The following SNTG1 variants were observed in gnomAD, a reference collection of about 807,000 sequenced individuals.
SNTG1 encodes syntrophin gamma 1, also known as gamma-1-syntrophin.
In SNTG1, 39 loss-of-function variants were observed where a neutral mutation model predicts 74.7. The ratio of observed to expected loss-of-function variants is 0.52; its 90% CI spans 0.40 to 0.68. The LOEUF is 0.68. SNTG1 is among the 30% of genes least tolerant of loss of function. SNTG1 has a pLI of 0.00. For missense variants in SNTG1, 685 were observed against 609.5 expected, an observed-to-expected ratio of 1.12 and a Z score of -1.30; for synonymous variants, 254 against 217.1, an observed-to-expected ratio of 1.17 and a Z score of -1.49.
chr8:50,730,091 A>G (rs1459699532), intron 17 of SNTG1, among the ~76,000 whole-genome samples: 1 of 152,192 alleles, frequency 6.6e-6, no homozygotes, highest in Non-Finnish European at 1.5e-5. Flanking sequence ...AGGAGACTGG[A>G]AGAAAAAAAT....
chr8:50,148,241 C>T (rs2081939587), intron 1 of SNTG1, among the ~76,000 whole-genome samples: 1 of 151,908 alleles, frequency 6.6e-6, no homozygotes, highest in Non-Finnish European at 1.5e-5. Flanking sequence ...ATATATGGCA[C>T]AGGGGGATCT....
chr8:50,712,722 T>C (rs923286900), intron 17 of SNTG1, among the ~76,000 whole-genome samples: 5 of 152,120 alleles, frequency 3.3e-5, no homozygotes, highest in African/African-American at 1.2e-4. Context: ...TTCTCATTGT[T>C]CAACTCCCAC....
intron 18 of SNTG1, among the ~76,000 whole-genome samples, chr8:50,771,875 C>A (rs1245587379): frequency 2.6e-5 from 4 of 152,040 alleles, no homozygotes; most frequent in African/African-American, 9.7e-5. Context: ...TTGAAAGGCA[C>A]AAGCAGTAAG....
rs542645184 is a variant in SNTG1, at chr8:50,644,595, C to T, written c.850-12314C>T. On this transcript the variant is annotated intron_variant, in intron 13 of 18. Coordinates refer to ENST00000642720, the MANE Select transcript of SNTG1 (RefSeq NM_018967.5). ...TTATATTTTCAGTTAGGCTTCCAGT[C>T]GACAGTAGGCTATTAATAGTAAAAT... 5 of 152,150 alleles carry T rather than the reference C, an allele frequency of 3.3e-5. No homozygotes were observed. In the East Asian group the frequency reaches 5.8e-4, roughly 18 times the overall value. 9.4% of individuals were successfully genotyped at this position (152,150 alleles called of 1,614,324 possible).
intron 1 of SNTG1, among the ~76,000 whole-genome samples, chr8:49,931,931 C>T (rs900781842): frequency 1.3e-5 from 2 of 152,052 alleles, no homozygotes; most frequent in Non-Finnish European, 2.9e-5. Context: ...GAGATTCTGG[C>T]GATATTCACT....
At chr8:50,471,951 A>G (rs1001171868) in intron 8 of SNTG1, among the ~76,000 whole-genome samples, 8 of 152,172 alleles carry the variant, frequency 5.3e-5, no homozygotes, top group Non-Finnish European at 4.4e-5. Context: ...AATTTTATTT[A>G]AAATAGCATA....
At chr8:50,210,415 A>G (rs1452426960) in intron 2 of SNTG1, among the ~76,000 whole-genome samples, 2 of 152,190 alleles carry the variant, frequency 1.3e-5, no homozygotes, top group Non-Finnish European at 2.9e-5. Context: ...CAACTCCAAG[A>G]CACATAATTG....
chr8:50,182,371 T>C (rs1009876517), intron 2 of SNTG1, among the ~76,000 whole-genome samples: 20 of 152,296 alleles, frequency 1.3e-4, no homozygotes, highest in African/African-American at 4.8e-4. Context: ...TTTTGTCAAC[T>C]AATCCAAATA....
At chr8:50,095,575 G>GT (rs200010306) in intron 1 of SNTG1, among the ~76,000 whole-genome samples, 11 of 150,854 alleles carry the variant, frequency 7.3e-5, no homozygotes, top group South Asian at 2.1e-4. Flanking sequence ...ATATGATCCT[G>GT]TTTTTTTTTC....
At chr8:50,440,404 A>G (rs560896800) in intron 5 of SNTG1, among the ~76,000 whole-genome samples, 11 of 152,222 alleles carry the variant, frequency 7.2e-5, no homozygotes, top group Admixed American at 1.3e-4. Flanking sequence ...AGATCAAAAT[A>G]TGATTCTTTC....
At chr8:49,948,390 T>C (rs575442705) in intron 1 of SNTG1, among the ~76,000 whole-genome samples, 1 of 152,340 alleles carries the variant, frequency 6.6e-6, no homozygotes, top group Non-Finnish European at 1.5e-5. Context: ...TTCGATTTTC[T>C]CTACCAGACA....
In SNTG1 at chr8:50,795,429, C is replaced by T. The variant is rs1430339243; in HGVS notation, c.*2600C>T. The T allele has an allele frequency of 6.6e-6, 1 of 152,066 alleles. No homozygotes were observed. The allele number at this position is 152,066 out of a possible 1,614,324, so 9.4% of individuals were successfully genotyped here. On this transcript the variant is annotated 3_prime_UTR_variant, in exon 19 of 19. Coordinates refer to ENST00000642720, the MANE Select transcript of SNTG1 (RefSeq NM_018967.5). The stretch of plus-strand genomic sequence containing the variant: ...AAAACACTTAAAAATTTCTATCTCT[C>T]ATATAATTTAGGTTTACATGTAAGA...
Position 50,402,082 on chromosome 8 carries a change from T to A in SNTG1, c.28-128T>A, listed in dbSNP as rs2092813018. Reference sequence around the variant, plus strand: ...CCACGTTAAGTATTCAATTTCAGGCTCATCAGAGTGTGTTTTCACCACCTC... The same window carrying A: ...CCACGTTAAGTATTCAATTTCAGGCACATCAGAGTGTGTTTTCACCACCTC... On this transcript the variant is annotated intron_variant, in intron 3 of 18. Transcript: ENST00000642720. 3.4e-6 allele frequency: 3 copies of A among 869,790 alleles called. No homozygotes were observed. The East Asian group carries it at 8.2e-5, about 24-fold the overall frequency. The allele number at this position is 869,790 out of a possible 1,614,324, so 53.9% of individuals were successfully genotyped here.
intron 2 of SNTG1, among the ~76,000 whole-genome samples, chr8:50,348,725 A>G (rs1250050428): frequency 1.3e-5 from 2 of 152,238 alleles, no homozygotes; most frequent in Admixed American, 6.5e-5. Context: ...AAGTATAATA[A>G]CACTGTATAG....
chr8:49,951,270 T>C (rs1809671496), intron 1 of SNTG1, among the ~76,000 whole-genome samples: 1 of 152,170 alleles, frequency 6.6e-6, no homozygotes, highest in Admixed American at 6.5e-5. Flanking sequence ...AAATAATCAG[T>C]GGACTGAAAA....
intron 2 of SNTG1, among the ~76,000 whole-genome samples, chr8:50,214,087 G>T (rs571733038): frequency 2.6e-5 from 4 of 151,954 alleles, no homozygotes; most frequent in Non-Finnish European, 4.4e-5. Context: ...CATAAAAAAT[G>T]ATGAGTTCAT....
intron 1 of SNTG1, among the ~76,000 whole-genome samples, chr8:49,948,415 C>A (rs1809402946): frequency 6.6e-6 from 1 of 152,122 alleles, no homozygotes. Context: ...GATTGTAGAT[C>A]TATTGTTGTG....
In SNTG1 at chr8:50,793,750, T is replaced by C. The variant is rs956583874; in HGVS notation, c.*921T>C. 3.9e-5 allele frequency: 6 copies of C among 151,912 alleles called. No homozygotes were observed. Among genetic ancestry groups the C allele is most frequent in the African/African-American group, 1.4e-4 (6 of 41,410 alleles). 9.4% of individuals were successfully genotyped at this position (151,912 alleles called of 1,614,324 possible). A position where few individuals can be genotyped will look rare whatever the true frequency, so the allele number is the denominator to read the frequency against. ...AGAAACAATTCTTTGTAATCCGAAG[T>C]CTACTAGTTAATCATGAACTAAAAT... On this transcript the variant is annotated 3_prime_UTR_variant, in exon 19 of 19. Coordinates refer to ENST00000642720, the MANE Select transcript of SNTG1 (RefSeq NM_018967.5).
intron 13 of SNTG1, among the ~76,000 whole-genome samples, chr8:50,652,511 T>C (rs1385578821): frequency 2.6e-5 from 4 of 151,988 alleles, no homozygotes; most frequent in Non-Finnish European, 2.9e-5. Context: ...AAAGGTATGT[T>C]ATCAGGCCGG....
Sources: allele counts gnomAD v4.1 joint callset (sites outside exome capture counted in the v4.1 genomes callset), GRCh38; gene constraint gnomAD v4.1.1; transcripts MANE v1.5; gene names NCBI Gene and HGNC (gene_info 2026-07-23, HGNC 2026-07-21).